The following PHF14 variants were observed in gnomAD, a reference collection of about 807,000 sequenced individuals.
The protein encoded by PHF14 is PHD finger protein 14.
A neutral mutation model predicts 117.9 loss-of-function variants in PHF14; 55 were observed. That is an observed-to-expected ratio of 0.47 (90% CI 0.38 to 0.58). The LOEUF is 0.58. Ranked by LOEUF, PHF14 falls within the 20% of genes least tolerant of loss-of-function variation. The pLI is 0.00. For missense variants in PHF14, 978 were observed against 1,122.2 expected, an observed-to-expected ratio of 0.87 and a Z score of 1.84; for synonymous variants, 409 against 368.6, an observed-to-expected ratio of 1.11 and a Z score of -1.26.
intron 4 of PHF14, among the ~76,000 whole-genome samples, chr7:10,994,453 TG>T (rs1260772181): frequency 2.0e-5 from 3 of 151,956 alleles, no homozygotes; most frequent in Non-Finnish European, 2.9e-5. Context: ...AAAAAGATCT[TG>T]AAGTGGTAGC....
At chr7:11,165,913 C>T (rs2128358372) in intron 17 of PHF14, among the ~76,000 whole-genome samples, 1 of 152,238 alleles carries the variant, frequency 6.6e-6, no homozygotes, top group East Asian at 1.9e-4. Flanking sequence ...CTCATATTGC[C>T]ACCTGGAGTA....
At chr7:11,005,531 C>G (rs1435836627) in intron 4 of PHF14, among the ~76,000 whole-genome samples, 1 of 152,194 alleles carries the variant, frequency 6.6e-6, no homozygotes, top group African/African-American at 2.4e-5. Flanking sequence ...CTGTCTCTAC[C>G]TCTAAATAAA....
At chr7:11,057,457 C>T (rs1008358648) in intron 14 of PHF14, among the ~76,000 whole-genome samples, 2 of 152,096 alleles carry the variant, frequency 1.3e-5, no homozygotes, top group Non-Finnish European at 2.9e-5. Context: ...TCACTGCAAC[C>T]TCCGCCTCCC....
chr7:11,004,630 C>G (rs553138642), intron 4 of PHF14, among the ~76,000 whole-genome samples: 5 of 151,526 alleles, frequency 3.3e-5, no homozygotes, highest in African/African-American at 4.9e-5. Context: ...TTGAATATCT[C>G]TCAGTCTGGA....
chr7:11,117,595 A>G (rs967817820), intron 17 of PHF14, among the ~76,000 whole-genome samples: 1 of 151,242 alleles, frequency 6.6e-6, no homozygotes, highest in African/African-American at 2.4e-5. Context: ...ATATGTATTT[A>G]TATGTATAAA....
intron 17 of PHF14, among the ~76,000 whole-genome samples, chr7:11,129,734 A>G (rs1788037820): frequency 6.6e-6 from 1 of 151,924 alleles, no homozygotes; most frequent in South Asian, 2.1e-4. Flanking sequence ...CTTCAGATGT[A>G]GTAAGATGAG....
At chr7:11,053,514 T>C (rs930808981) in intron 14 of PHF14, among the ~76,000 whole-genome samples, 12 of 152,058 alleles carry the variant, frequency 7.9e-5, no homozygotes, top group African/African-American at 2.9e-4. Context: ...TATAATTGTT[T>C]GAAAATGGTA....
intron 16 of PHF14, among the ~76,000 whole-genome samples, chr7:11,076,858 G>A (rs1418296985): frequency 6.7e-6 from 1 of 149,782 alleles, no homozygotes. Context: ...ATGAGTCACT[G>A]TGCCTAGCTT....
At chr7:10,996,991 C>G (rs1375354103) in intron 4 of PHF14, among the ~76,000 whole-genome samples, 1 of 152,126 alleles carries the variant, frequency 6.6e-6, no homozygotes, top group Non-Finnish European at 1.5e-5. Context: ...CAAATTAAGG[C>G]CTCAGGAATA....
At chr7:11,007,901 A>C (rs923276449) in intron 4 of PHF14, among the ~76,000 whole-genome samples, 3 of 152,158 alleles carry the variant, frequency 2.0e-5, no homozygotes, top group African/African-American at 7.2e-5. Context: ...GTTTACTGTA[A>C]TTACTTTTCA....
chr7:11,152,197 G>A (rs113643901), intron 17 of PHF14, among the ~76,000 whole-genome samples: 1 of 152,090 alleles, frequency 6.6e-6, no homozygotes, highest in Non-Finnish European at 1.5e-5. Flanking sequence ...GATTGTTTTG[G>A]AAAAGTATGT....
chr7:11,071,275 T>C (rs1268374777), intron 16 of PHF14: 2 of 518,530 alleles, frequency 3.9e-6, no homozygotes, highest in African/African-American at 3.8e-5. Flanking sequence ...CCCAAGTCCA[T>C]GTTACCTGTT....
At chr7:11,148,043 C>G (rs1788597555) in intron 17 of PHF14, among the ~76,000 whole-genome samples, 1 of 152,130 alleles carries the variant, frequency 6.6e-6, no homozygotes, top group African/African-American at 2.4e-5. Context: ...TAATTACTTT[C>G]TTTTGTTTAA....
At chr7:11,112,392 T>G (rs1302704151) in intron 17 of PHF14, among the ~76,000 whole-genome samples, 1 of 152,234 alleles carries the variant, frequency 6.6e-6, no homozygotes, top group Non-Finnish European at 1.5e-5. Flanking sequence ...AGAGGCCTTC[T>G]GCAAAAGTTT....
Position 11,024,127 on chromosome 7 carries a change from A to T in PHF14, c.1317+1148A>T, listed in dbSNP as rs558390124. Among the ~76,000 whole-genome samples, 23 of 152,308 alleles carry T rather than the reference A, an allele frequency of 1.5e-4. No individual in the cohort carries two copies. The South Asian group carries it at 4.4e-3, about 29-fold the overall frequency. On this transcript the variant is annotated intron_variant, in intron 6 of 17. Transcript: ENST00000634607. ...TGCTGATAATGGAGAAAATTTTAAT[A>T]GTAGGGATAGATCATAGCAGCCACA...
At chr7:11,007,320 C>T (rs1783156578) in intron 4 of PHF14, among the ~76,000 whole-genome samples, 1 of 151,996 alleles carries the variant, frequency 6.6e-6, no homozygotes, top group Non-Finnish European at 1.5e-5. Context: ...TCCATCCTTG[C>T]AAATGTTTTT....
intron 4 of PHF14, among the ~76,000 whole-genome samples, chr7:11,004,314 T>A: frequency 7.0e-6 from 1 of 143,808 alleles, no homozygotes; most frequent in Non-Finnish European, 1.5e-5. Flanking sequence ...CACCTAGAGG[T>A]AAATATGCTT....
At chr7:10,985,887 A>C (rs1362962467) in intron 3 of PHF14, among the ~76,000 whole-genome samples, 2 of 152,012 alleles carry the variant, frequency 1.3e-5, no homozygotes, top group Non-Finnish European at 2.9e-5. Context: ...TCCTGACCTC[A>C]AGTGATCCAC....
intron 16 of PHF14, among the ~76,000 whole-genome samples, chr7:11,093,852 G>T (rs911750236): frequency 6.7e-6 from 1 of 148,730 alleles, no homozygotes; most frequent in African/African-American, 2.4e-5. Flanking sequence ...TGACTCTCAG[G>T]GGTAGGAGAC....
Sources: gnomAD v4.1 joint callset for allele counts (sites outside exome capture counted in the v4.1 genomes callset) on GRCh38, gnomAD v4.1.1 for gene constraint, MANE v1.5 for transcripts, NCBI Gene and HGNC (gene_info 2026-07-23, HGNC 2026-07-21) for gene names.